Variants in SMOC2 observed in about 807,000 individuals in gnomAD.
SMOC2 encodes SPARC related modular calcium binding 2.
Under a neutral mutation model 61.4 loss-of-function variants are expected in SMOC2, and 39 were observed. The observed-to-expected ratio is 0.64, with a 90% CI of 0.49 to 0.83. SMOC2 has a LOEUF of 0.83. Ranked by LOEUF, SMOC2 falls within the 40% of genes least tolerant of loss-of-function variation. SMOC2 has a pLI of 0.00. For missense variants in SMOC2, 556 were observed against 592.9 expected, an observed-to-expected ratio of 0.94 and a Z score of 0.65; for synonymous variants, 247 against 239.9, an observed-to-expected ratio of 1.03 and a Z score of -0.27.
chr6:168,460,232 C>T (rs746576968), intron 1 of SMOC2, among the ~76,000 whole-genome samples: 2 of 152,138 alleles, frequency 1.3e-5, no homozygotes, highest in Non-Finnish European at 2.9e-5. Flanking sequence ...ATCCCCTAGA[C>T]CCCAGTCCTC....
Position 168,562,748 on chromosome 6 carries a change from G to A in SMOC2, c.637+13545G>A, listed in dbSNP as rs555103279. ...TCACATTTCAGAGGCTCAGCAGGTCGGAAGCGCAGTGTTTTATCACGTGAT... is the reference window on the plus strand; with the variant it reads ...TCACATTTCAGAGGCTCAGCAGGTCAGAAGCGCAGTGTTTTATCACGTGAT... On this transcript the variant is annotated intron_variant, in intron 7 of 12. Coordinates refer to ENST00000356284, the MANE Select transcript of SMOC2 (RefSeq NM_001166412.2). 5.9e-5 allele frequency among the ~76,000 whole-genome samples: 9 copies of A among 152,288 alleles called. No homozygotes were observed. The South Asian group carries it at 1.2e-3, about 21-fold the overall frequency.
chr6:168,527,818 C>A, intron 4 of SMOC2, 91 bp downstream of exon 4: 1 of 908,004 alleles, frequency 1.1e-6, no homozygotes, highest in Non-Finnish European at 1.7e-6. Flanking sequence ...ACTGATAATT[C>A]AAAGGGAAAT....
intron 2 of SMOC2, among the ~76,000 whole-genome samples, chr6:168,525,656 C>CT (rs911962578): frequency 5.5e-4 from 84 of 152,260 alleles, no homozygotes; most frequent in African/African-American, 1.9e-3. Flanking sequence ...TGTGGAGCCT[C>CT]TGGGGCAGAG....
rs1380575832 is a variant in SMOC2 at position 168,441,559 on chromosome 6, GGGAGCAGGTGGCCCCGGGGGCCGT to G, written c.84+111_84+134del. On this transcript the variant is annotated intron_variant, in intron 1 of 12. Coordinates refer to ENST00000356284, the MANE Select transcript of SMOC2 (RefSeq NM_001166412.2). ...CTCCAGGCCCAGGCGCCTGGGCACG[GGGAGCAGGTGGCCCCGGGGGCCGT>G]GGAGCCTTCGCCTGCCGGCGAGGCT... The G allele has an allele frequency of 7.5e-6, 10 of 1,334,318 alleles. No homozygotes were observed. In the East Asian group the frequency reaches 3.2e-4, roughly 42 times the overall value. 82.7% of individuals were successfully genotyped at this position (1,334,318 alleles called of 1,614,324 possible).
intron 9 of SMOC2, 151 bp downstream of exon 9, chr6:168,608,390 T>G: frequency 1.1e-6 from 1 of 876,104 alleles, no homozygotes; most frequent in Non-Finnish European, 1.7e-6. Context: ...GGGCCCTGAG[T>G]CCAGGCAGGG....
At chr6:168,493,285 C>T (rs1008527524) in intron 1 of SMOC2, among the ~76,000 whole-genome samples, 6 of 152,158 alleles carry the variant, frequency 3.9e-5, no homozygotes, top group Non-Finnish European at 1.5e-5. Flanking sequence ...GATCCACCTG[C>T]CTCGGCCTCC....
chr6:168,548,591 C>T (rs1460691987), intron 6 of SMOC2, among the ~76,000 whole-genome samples: 1 of 151,518 alleles, frequency 6.6e-6, no homozygotes, highest in East Asian at 1.9e-4. Context: ...GTCTTGAACA[C>T]CCGACCTCAG....
intron 1 of SMOC2, 58 bp from the exon 2 acceptor site, chr6:168,509,857 C>G (rs1782963935): frequency 1.2e-5 from 19 of 1,530,586 alleles, no homozygotes; most frequent in Non-Finnish European, 1.7e-5. Context: ...CTTCTGTTTT[C>G]TGCTGCTCTG....
chr6:168,485,275 C>G (rs572617750), intron 1 of SMOC2, among the ~76,000 whole-genome samples: 3 of 152,070 alleles, frequency 2.0e-5, no homozygotes, highest in African/African-American at 7.2e-5. Flanking sequence ...AACAGTTTTC[C>G]AAAGTTTAAT....
chr6:168,517,581 A>G (rs1010287790), intron 2 of SMOC2, among the ~76,000 whole-genome samples: 2 of 152,250 alleles, frequency 1.3e-5, no homozygotes, highest in African/African-American at 4.8e-5. Context: ...AAGAAGCCGG[A>G]GCCACGGGTG....
At chr6:168,565,417 T>G (rs1000293170) in intron 7 of SMOC2, among the ~76,000 whole-genome samples, 31 of 152,136 alleles carry the variant, frequency 2.0e-4, no homozygotes, top group African/African-American at 6.3e-4. Flanking sequence ...TCCCTCTGTG[T>G]TCTTCCCTCC....
intron 8 of SMOC2, among the ~76,000 whole-genome samples, chr6:168,603,537 C>T (rs903242352): frequency 1.3e-5 from 2 of 152,026 alleles, no homozygotes; most frequent in Non-Finnish European, 2.9e-5. Context: ...CATGTGAATG[C>T]CCTCAATGTT....
intron 1 of SMOC2, among the ~76,000 whole-genome samples, chr6:168,485,178 G>C (rs2115027045): frequency 6.6e-6 from 1 of 152,168 alleles, no homozygotes; most frequent in African/African-American, 2.4e-5. Context: ...GAATTAAAAA[G>C]TCAGAAAATA....
At chr6:168,520,556 G>A (rs913694784) in intron 2 of SMOC2, among the ~76,000 whole-genome samples, 2 of 152,188 alleles carry the variant, frequency 1.3e-5, no homozygotes, top group African/African-American at 2.4e-5. Flanking sequence ...CAGTGACCTC[G>A]CGAGATCCAG....
intron 1 of SMOC2, among the ~76,000 whole-genome samples, chr6:168,498,436 G>T (rs928204032): frequency 3.3e-5 from 5 of 152,222 alleles, no homozygotes; most frequent in African/African-American, 4.8e-5. Flanking sequence ...CTGTCCGGCG[G>T]GTAGTTTAGC....
intron 9 of SMOC2, among the ~76,000 whole-genome samples, chr6:168,611,699 C>T (rs1456142781): frequency 6.7e-6 from 1 of 149,648 alleles, no homozygotes; most frequent in Non-Finnish European, 1.5e-5. Flanking sequence ...GTTCCCATGT[C>T]CGGGACCCAC....
intron 1 of SMOC2, among the ~76,000 whole-genome samples, chr6:168,471,873 C>T (rs1202427305): frequency 6.6e-6 from 1 of 152,160 alleles, no homozygotes; most frequent in Non-Finnish European, 1.5e-5. Context: ...TATTCAAGTC[C>T]TGTGCCCATT....
chr6:168,536,118 G>A (rs1011854747), intron 4 of SMOC2, among the ~76,000 whole-genome samples: 11 of 152,200 alleles, frequency 7.2e-5, no homozygotes, highest in Admixed American at 2.0e-4. Flanking sequence ...GCTTTCTGCC[G>A]AGTTTCCAGG....
At chr6:168,465,763 C>T (rs1238795825) in intron 1 of SMOC2, among the ~76,000 whole-genome samples, 17 of 129,524 alleles carry the variant, frequency 1.3e-4, no homozygotes, top group Non-Finnish European at 2.2e-4. Context: ...CTGGATGAAG[C>T]GAGGTGCTGC....
Sources: allele counts gnomAD v4.1 joint callset (sites outside exome capture counted in the v4.1 genomes callset), GRCh38; gene constraint gnomAD v4.1.1; transcripts MANE v1.5; gene names NCBI Gene and HGNC (gene_info 2026-07-23, HGNC 2026-07-21).